The following CHPT1 variants were observed in gnomAD, a reference collection of about 807,000 sequenced individuals.
CHPT1 encodes the protein cholinephosphotransferase 1.
CHPT1 carries 36 observed loss-of-function variants against 47.6 expected under a neutral mutation model. The ratio of observed to expected loss-of-function variants is 0.76; its 90% confidence interval spans 0.58 to 1.00. The LOEUF (loss-of-function observed/expected upper bound fraction) is 1.00, where lower values mean the gene tolerates loss of function less well. Among genes scored for constraint, CHPT1 ranks in the 50% least tolerant of loss-of-function variants. The probability of loss-of-function intolerance (pLI) is 0.00; values close to 1 mark genes in which losing one functional copy is unlikely to be tolerated. For missense variants in CHPT1, 458 were observed against 498.1 expected, an observed-to-expected ratio of 0.92 and a Z score of 0.77; for synonymous variants, 194 against 186.3, an observed-to-expected ratio of 1.04 and a Z score of -0.33.
At chr12:101,727,652 TCTAA>T (rs1013733932) in intron 8 of CHPT1, 66 of 152,316 alleles carry the variant, frequency 4.3e-4, no homozygotes, top group Admixed American at 3.3e-4. Context: ...TTATTTTGCC[TCTAA>T]CTAACTATTG....
intron 4 of CHPT1, chr12:101,719,709 G>A: frequency 6.5e-6 from 2 of 307,014 alleles, no homozygotes; most frequent in Non-Finnish European, 6.3e-6. Context: ...AATCTTATGA[G>A]ATTAAACATT....
intron 1 of CHPT1, among the ~76,000 whole-genome samples, chr12:101,707,897 C>T (rs1001858287): frequency 1.3e-5 from 2 of 152,134 alleles, no homozygotes; most frequent in East Asian, 3.8e-4. Flanking sequence ...AATATGGAAA[C>T]GTTAAGATTC....
In CHPT1 at chr12:101,715,420, T is replaced by A. The variant is rs1470417996; in HGVS notation, c.563+775T>A. ...GATAGGAGAAGCTTAAAACTATGGA[T>A]CATTTAGCAGAGGGCAGGCTTCAGG... On this transcript the variant is annotated intron_variant, in intron 3 of 8. Coordinates refer to ENST00000229266, the MANE Select transcript of CHPT1 (RefSeq NM_020244.3). 1.3e-5 allele frequency among the ~76,000 whole-genome samples: 2 copies of A among 152,168 alleles called. 1 individual carries two copies. Among genetic ancestry groups the A allele is most frequent in the Admixed American group, 1.3e-4 (2 of 15,266 alleles).
rs560548644 is a variant in CHPT1, at chr12:101,719,964, G to C, written c.649-159G>C. On this transcript the variant is annotated intron_variant, in intron 4 of 8. Coordinates refer to ENST00000229266, the MANE Select transcript of CHPT1 (RefSeq NM_020244.3). Reference sequence around the variant, plus strand: ...AACTAAAAAAAAAAGTTAAAAAAAAGTTTTTAAGTTATCACTTTGGATTAT... The same window carrying C: ...AACTAAAAAAAAAAGTTAAAAAAAACTTTTTAAGTTATCACTTTGGATTAT... 5.6e-4 allele frequency: 236 copies of C among 417,994 alleles called. 2 individuals are homozygous for C. Among genetic ancestry groups the C allele is most frequent in the African/African-American group, 4.7e-3 (218 of 46,878 alleles). The allele number at this position is 417,994 out of a possible 1,614,324, so 25.9% of individuals were successfully genotyped here.
intron 1 of CHPT1, among the ~76,000 whole-genome samples, chr12:101,699,340 A>G (rs937918369): frequency 2.0e-5 from 3 of 150,282 alleles, no homozygotes; most frequent in African/African-American, 7.4e-5. Flanking sequence ...TCGAGCCTAC[A>G]TTTTAAAATA....
At chr12:101,719,156 GAAAAAAA>G (rs779382436) in intron 4 of CHPT1, among the ~76,000 whole-genome samples, 15 of 95,074 alleles carry the variant, frequency 1.6e-4, no homozygotes, top group African/African-American at 5.8e-4. Flanking sequence ...CTCGTCTCAA[GAAAAAAA>G]AAAAAAAAAA....
rs866891583 is a variant in CHPT1 at position 101,723,184 on chromosome 12, C to G, written c.797C>G (p.Ser266Ter). 6.2e-7 allele frequency: 1 copy of G among 1,612,416 alleles called. No homozygotes were observed. The highest frequency in any genetic ancestry group is 1.3e-5 in the African/African-American group (1 of 74,982). The stretch of plus-strand genomic sequence containing the variant: ...ATCCCTTAGGGCACCAGTGTCTTGT[C>G]ACCTGGACTCCACATAGGACTAATT... Reference protein sequence around the residue: ...GSTIAGTSVLSPGLHIGLIII... With the variant: ...GSTIAGTSVL Residue 266 changes from serine (S) to a stop codon, truncating the protein, a stop_gained, in exon 6 of 9, where the codon TCA becomes TGA. Transcript: ENST00000229266. LOFTEE classifies it high-confidence loss of function.
chr12:101,714,021 T>A, intron 1 of CHPT1, 69 bp from the exon 2 acceptor site: 1 of 1,047,828 alleles, frequency 9.5e-7, no homozygotes, highest in Non-Finnish European at 1.4e-6. Flanking sequence ...GTGTGAAGCC[T>A]TAGGTTGAGC....
At chr12:101,725,134 G>T (rs559472430) in intron 7 of CHPT1, among the ~76,000 whole-genome samples, 1 of 152,004 alleles carries the variant, frequency 6.6e-6, no homozygotes, top group East Asian at 1.9e-4. Context: ...TCTGTGCATG[G>T]ATTACAGGAG....
chr12:101,723,144 C>T (rs747286350), intron 5 of CHPT1, 24 bp from the exon 6 acceptor site: 6 of 1,600,842 alleles, frequency 3.7e-6, no homozygotes, highest in East Asian at 4.5e-5. Context: ...AAATGTGATA[C>T]TGATTTTCTG....
intron 3 of CHPT1, 107 bp from the exon 4 acceptor site, chr12:101,716,621 A>G (rs1300911011): frequency 3.3e-6 from 2 of 614,238 alleles, no homozygotes; most frequent in African/African-American, 3.7e-5. Flanking sequence ...AAAATAAACT[A>G]AGCCTACAGA....
chr12:101,718,747 A>G (rs1364357454), intron 4 of CHPT1, among the ~76,000 whole-genome samples: 3 of 152,104 alleles, frequency 2.0e-5, no homozygotes, highest in African/African-American at 7.2e-5. Context: ...TCCGAAATAG[A>G]CTTTGGGCAT....
intron 1 of CHPT1, among the ~76,000 whole-genome samples, chr12:101,698,613 C>T (rs1951501475): frequency 6.6e-6 from 1 of 152,210 alleles, no homozygotes; most frequent in South Asian, 2.1e-4. Flanking sequence ...AGCTAGTGAT[C>T]TTGAAATGAC....
intron 7 of CHPT1, among the ~76,000 whole-genome samples, chr12:101,725,924 A>G (rs1035685325): frequency 6.6e-6 from 1 of 152,198 alleles, no homozygotes; most frequent in Non-Finnish European, 1.5e-5. Flanking sequence ...ACAGAAATGT[A>G]TATGATGGAA....
chr12:101,728,881 A>G lies in CHPT1; in HGVS notation c.1177-20A>G, dbSNP rs1025462474. 9.9e-6 allele frequency: 16 copies of G among 1,611,734 alleles called. No homozygotes were observed. Among genetic ancestry groups the G allele is most frequent in the Middle Eastern group, 1.7e-4 (1 of 6,022 alleles). On this transcript the variant is annotated intron_variant, in intron 8 of 8. Coordinates refer to ENST00000229266, the MANE Select transcript of CHPT1 (RefSeq NM_020244.3). ...CAATATGCTTCTTAGCTAACGTTAT[A>G]ATTGTATCATATTACTTAGGTTCAA...
chr12:101,698,092 C>G lies in CHPT1; in HGVS notation c.231C>G (p.Thr77=). 1.3e-6 allele frequency: 2 copies of G among 1,561,112 alleles called. No homozygotes were observed. Among genetic ancestry groups the G allele is most frequent in the Non-Finnish European group, 1.7e-6 (2 of 1,161,744 alleles). Residue 77 remains threonine, a synonymous_variant, in exon 1 of 9, where the codon ACC becomes ACG. Transcript: ENST00000229266. ...TGGGGCTCGCCGTCAACGTGGTCACCACGCTCGTGCTCATCTCCTACTGTC... is the reference window on the plus strand; with the variant it reads ...TGGGGCTCGCCGTCAACGTGGTCACGACGCTCGTGCTCATCTCCTACTGTC... ...TLLGLAVNVV[T]TLVLISYCPT...
At chr12:101,725,006 A>AT (rs1414322388) in intron 7 of CHPT1, among the ~76,000 whole-genome samples, 15 of 152,300 alleles carry the variant, frequency 9.8e-5, no homozygotes, top group African/African-American at 3.4e-4. Context: ...AGTGATATAT[A>AT]AATATACCGA....
At chr12:101,719,408 A>C (rs1951813612) in intron 4 of CHPT1, 3 of 484,982 alleles carry the variant, frequency 6.2e-6, no homozygotes, top group South Asian at 1.6e-5. Flanking sequence ...ACATTATTTC[A>C]GTCTATTTTC....
intron 5 of CHPT1, among the ~76,000 whole-genome samples, chr12:101,721,283 G>C (rs1393781985): frequency 6.7e-6 from 1 of 150,362 alleles, no homozygotes; most frequent in East Asian, 1.9e-4. Context: ...GCGAGACTCT[G>C]TTTCAAAAAA....
Sources: gnomAD v4.1 joint callset for allele counts (sites outside exome capture counted in the v4.1 genomes callset) on GRCh38, gnomAD v4.1.1 for gene constraint, MANE v1.5 for transcripts, NCBI Gene and HGNC (gene_info 2026-07-23, HGNC 2026-07-21) for gene names.